TAFA5: variants seen among roughly 807,000 people sequenced by gnomAD.
TAFA5 encodes the protein chemokine-like protein TAFA-5.
In TAFA5, 6 loss-of-function variants were observed where a neutral mutation model predicts 15.3. The observed-to-expected ratio is 0.39, with a 90% CI of 0.21 to 0.77. TAFA5 has a LOEUF of 0.77. TAFA5 is among the 30% of genes least tolerant of loss of function. The pLI, the probability that TAFA5 is intolerant of heterozygous loss-of-function variation, is 0.41. For missense variants in TAFA5, 161 were observed against 193.1 expected (o/e 0.83, Z 0.98); for synonymous variants, 103 against 80.7 (o/e 1.28, Z -1.48).
intron 1 of TAFA5, among the ~76,000 whole-genome samples, chr22:48,522,274 T>C (rs914533936): frequency 6.6e-6 from 1 of 150,736 alleles, no homozygotes; most frequent in Non-Finnish European, 1.5e-5. Flanking sequence ...CTGGGCCTTG[T>C]ATCTGTAGGT....
At chr22:48,583,556 ACACACAC>A (rs1420145477) in intron 1 of TAFA5, among the ~76,000 whole-genome samples, 1 of 123,592 alleles carries the variant, frequency 8.1e-6, no homozygotes, top group African/African-American at 3.1e-5. Context: ...AAAATACACC[ACACACAC>A]CACACATCAC....
intron 2 of TAFA5, among the ~76,000 whole-genome samples, chr22:48,691,182 T>C (rs1928529717): frequency 6.6e-6 from 1 of 152,128 alleles, no homozygotes; most frequent in Admixed American, 6.5e-5. Context: ...GCTGTGGGCT[T>C]CCTAAGCTCA....
intron 2 of TAFA5, among the ~76,000 whole-genome samples, chr22:48,677,963 T>C (rs980242072): frequency 2.0e-5 from 3 of 152,010 alleles, no homozygotes; most frequent in Non-Finnish European, 4.4e-5. Flanking sequence ...CAGGCCTCCC[T>C]AGACCCCGAG....
chr22:48,540,472 G>C (rs1922326677), intron 1 of TAFA5, among the ~76,000 whole-genome samples: 1 of 152,146 alleles, frequency 6.6e-6, no homozygotes, highest in African/African-American at 2.4e-5. Flanking sequence ...CCAGTCCCTG[G>C]TCCCCTGAGG....
At chr22:48,621,035 C>A (rs1925810068) in intron 1 of TAFA5, among the ~76,000 whole-genome samples, 1 of 30,826 alleles carries the variant, frequency 3.2e-5, no homozygotes, top group Non-Finnish European at 6.8e-5. Context: ...TATCCATCCA[C>A]CCTCCCACCC....
chr22:48,617,868 T>C (rs2147179063), intron 1 of TAFA5, among the ~76,000 whole-genome samples: 1 of 152,192 alleles, frequency 6.6e-6, no homozygotes, highest in Admixed American at 6.5e-5. Context: ...CACATATGGG[T>C]CCAGCCTGTC....
Position 48,733,667 on chromosome 22 carries a change from C to T in TAFA5, c.391-16172C>T, listed in dbSNP as rs193148412. Reference sequence around the variant, plus strand: ...GAGTATGAGTATAGAAAGTTCTCTGCTTGTATCCAATGTTAAAGTTTTCAC... The same window carrying T: ...GAGTATGAGTATAGAAAGTTCTCTGTTTGTATCCAATGTTAAAGTTTTCAC... On this transcript the variant is annotated intron_variant, in intron 3 of 3. Coordinates refer to ENST00000402357, the MANE Select transcript of TAFA5 (RefSeq NM_001082967.3). Among the ~76,000 whole-genome samples the T allele has an allele frequency of 5.9e-3, 901 of 152,234 alleles. 5 individuals are homozygous for T. Among genetic ancestry groups the T allele is most frequent in the Non-Finnish European group, 9.6e-3 (656 of 68,016 alleles).
chr22:48,675,555 C>T (rs950608725), intron 2 of TAFA5, among the ~76,000 whole-genome samples: 4 of 152,258 alleles, frequency 2.6e-5, no homozygotes, highest in African/African-American at 9.6e-5. Flanking sequence ...GTGGACCCCC[C>T]ACCAGCTGGG....
At chr22:48,609,558 A>G (rs1410408707) in intron 1 of TAFA5, among the ~76,000 whole-genome samples, 1 of 152,192 alleles carries the variant, frequency 6.6e-6, no homozygotes, top group Non-Finnish European at 1.5e-5. Flanking sequence ...ACTTCTGCTC[A>G]CGCACAGCTC....
intron 1 of TAFA5, among the ~76,000 whole-genome samples, chr22:48,567,016 G>A (rs1051303690): frequency 6.6e-6 from 1 of 152,218 alleles, no homozygotes; most frequent in Non-Finnish European, 1.5e-5. Flanking sequence ...GTTGTCTCCA[G>A]GTTTCGCTGT....
At chr22:48,516,769 G>A (rs957385240) in intron 1 of TAFA5, among the ~76,000 whole-genome samples, 3 of 152,310 alleles carry the variant, frequency 2.0e-5, no homozygotes, top group Admixed American at 1.3e-4. Context: ...GAGGTTGGTG[G>A]CCGCAGCCCC....
chr22:48,658,282 A>G (rs1274549551), intron 2 of TAFA5, among the ~76,000 whole-genome samples: 3 of 152,082 alleles, frequency 2.0e-5, no homozygotes, highest in Non-Finnish European at 4.4e-5. Flanking sequence ...CTGCGTTCCT[A>G]TTATGGCCCA....
At chr22:48,643,814 T>C (rs11912115) in intron 1 of TAFA5, among the ~76,000 whole-genome samples, 7,696 of 152,202 alleles carry the variant, frequency 0.051, 642 homozygotes, top group African/African-American at 0.17. Flanking sequence ...CTGGACACCA[T>C]GAGTCTCTGC....
At chr22:48,678,459 G>A (rs1234691943) in intron 2 of TAFA5, among the ~76,000 whole-genome samples, 6 of 152,160 alleles carry the variant, frequency 3.9e-5, no homozygotes, top group Admixed American at 2.0e-4. Context: ...GGCACCAGGC[G>A]AGAATGCTGA....
chr22:48,631,001 G>T (rs992448684), intron 1 of TAFA5, among the ~76,000 whole-genome samples: 4 of 152,236 alleles, frequency 2.6e-5, no homozygotes, highest in Non-Finnish European at 5.9e-5. Flanking sequence ...GCAGCCAGGG[G>T]CCGGCGCTCT....
At chr22:48,708,899 G>A (rs147300719) in intron 3 of TAFA5, among the ~76,000 whole-genome samples, 1 of 152,304 alleles carries the variant, frequency 6.6e-6, no homozygotes, top group Non-Finnish European at 1.5e-5. Context: ...GGCTCGGCTG[G>A]GCTGTTCCGG....
At chr22:48,732,075 T>C (rs75310491) in intron 3 of TAFA5, among the ~76,000 whole-genome samples, 6,770 of 152,188 alleles carry the variant, frequency 0.044, 397 homozygotes, top group African/African-American at 0.14. Flanking sequence ...CATGCATGGC[T>C]TTGAGAGAGT....
chr22:48,527,209 C>A (rs923460974), intron 1 of TAFA5, among the ~76,000 whole-genome samples: 5 of 152,242 alleles, frequency 3.3e-5, no homozygotes, highest in African/African-American at 9.6e-5. Context: ...TCAGAGGCGA[C>A]CCCGTGGCAC....
chr22:48,737,199 C>A (rs898814604), intron 3 of TAFA5, among the ~76,000 whole-genome samples: 1 of 152,170 alleles, frequency 6.6e-6, no homozygotes, highest in Non-Finnish European at 1.5e-5. Flanking sequence ...CACAGAGAGG[C>A]CTGTCCCACC....
Sources: gnomAD v4.1 joint callset for allele counts (sites outside exome capture counted in the v4.1 genomes callset) on GRCh38, gnomAD v4.1.1 for gene constraint, MANE v1.5 for transcripts, NCBI Gene and HGNC (gene_info 2026-07-23, HGNC 2026-07-21) for gene names.